The following WDHD1 variants were observed in gnomAD, a reference collection of about 807,000 sequenced individuals.
WDHD1 encodes WD repeat and HMG-box DNA binding protein 1.
In WDHD1, 111 loss-of-function variants were observed where a neutral mutation model predicts 135.4. That is an observed-to-expected ratio of 0.82 (90% confidence interval 0.70 to 0.96). WDHD1 has a LOEUF of 0.96. Among genes scored for constraint, WDHD1 ranks in the 40% least tolerant of loss-of-function variants. WDHD1 has a pLI of 0.00. For synonymous variants in WDHD1, 434 were observed against 439.0 expected (o/e 0.99, Z 0.14); for missense variants, 1,351 against 1,336.3 (o/e 1.01, Z -0.17).
intron 16 of WDHD1, among the ~76,000 whole-genome samples, chr14:54,980,538 A>T (rs28706216): frequency 0.035 from 5,370 of 152,068 alleles, 349 homozygotes; most frequent in African/African-American, 0.12. Flanking sequence ...AGGACCAGGT[A>T]CGGTGGCTCA....
In WDHD1 at chr14:54,987,206, C is replaced by T; in HGVS notation, c.1708G>A (p.Ala570Thr). Residue 570 changes from alanine to threonine, a missense_variant, in exon 14 of 26, where the codon GCT becomes ACT. Transcript: ENST00000360586. ...CCTGCCATTGACACCACAGGTCCAG[C>T]AAGGCTGAATACCTCTTTTTGAACC... ...GGVQKEVFSL[A>T]GPVVSMAGHG... The T allele has an allele frequency of 1.2e-6, 2 of 1,614,150 alleles. No homozygotes were observed. Among genetic ancestry groups the T allele is most frequent in the Non-Finnish European group, 1.7e-6 (2 of 1,180,018 alleles).
chr14:54,963,244 C>T (rs535373417), intron 18 of WDHD1, 72 bp from the exon 19 acceptor site: 1 of 1,176,266 alleles, frequency 8.5e-7, no homozygotes, highest in East Asian at 2.4e-5. Context: ...ACTGACACTA[C>T]TAGTAAAACT....
intron 15 of WDHD1, among the ~76,000 whole-genome samples, chr14:54,984,492 CT>C (rs1433046296): frequency 6.6e-6 from 1 of 152,102 alleles, no homozygotes; most frequent in Non-Finnish European, 1.5e-5. Context: ...CAGACCCTGT[CT>C]TAAAAGAACA....
At chr14:54,957,563 A>G (rs2041180978) in intron 22 of WDHD1, 29 bp downstream of exon 22, 1 of 1,555,926 alleles carries the variant, frequency 6.4e-7, no homozygotes, top group Non-Finnish European at 8.7e-7. Flanking sequence ...GTATTTAAAT[A>G]ATATAAAACA....
chr14:54,977,561 C>A lies in WDHD1; in HGVS notation c.2063+3979G>T, dbSNP rs552253816. Among the ~76,000 whole-genome samples the A allele has an allele frequency of 3.1e-3, 472 of 152,172 alleles. 2 individuals are homozygous for A. Among genetic ancestry groups the A allele is most frequent in the Middle Eastern group, 0.02 (6 of 294 alleles). On this transcript the variant is annotated intron_variant, in intron 16 of 25. Coordinates refer to ENST00000360586, the MANE Select transcript of WDHD1 (RefSeq NM_007086.4). ...AAGAAATATTCTTTATTAGCTGATA[C>A]TAAATGTAGAGCTACTAGAGCTACT...
intron 23 of WDHD1, among the ~76,000 whole-genome samples, chr14:54,956,202 G>A (rs895219377): frequency 1.3e-5 from 2 of 152,102 alleles, no homozygotes; most frequent in African/African-American, 4.8e-5. Context: ...AAAAATTAGG[G>A]CCATGTACAA....
At chr14:55,011,558 G>T (rs2042170956) in intron 3 of WDHD1, among the ~76,000 whole-genome samples, 1 of 140,128 alleles carries the variant, frequency 7.1e-6, no homozygotes, top group Admixed American at 7.2e-5. Context: ...AAAGTATCCT[G>T]AGCAGAGGGT....
chr14:54,987,010 A>G, intron 14 of WDHD1, 136 bp downstream of exon 14: 1 of 1,062,290 alleles, frequency 9.4e-7, no homozygotes, highest in African/African-American at 1.6e-5. Flanking sequence ...GAACACAACA[A>G]AATTATCTAC....
chr14:54,948,862 T>C (rs554237575), intron 24 of WDHD1, among the ~76,000 whole-genome samples: 2 of 152,342 alleles, frequency 1.3e-5, no homozygotes, highest in South Asian at 4.1e-4. Flanking sequence ...TTTGCTGTTC[T>C]GCAGCCTCCG....
chr14:54,994,150 A>C (rs555928280), intron 11 of WDHD1, among the ~76,000 whole-genome samples: 7 of 152,268 alleles, frequency 4.6e-5, no homozygotes, highest in Non-Finnish European at 1.0e-4. Context: ...TGTAGCATGT[A>C]AGTTGTTACA....
Position 55,005,559 on chromosome 14 carries a change from C to A in WDHD1, c.600+1721G>T, listed in dbSNP as rs1017129719. 6.7e-6 allele frequency: 4 copies of A among 599,380 alleles called. No homozygotes were observed. In the African/African-American group the frequency reaches 7.3e-5, roughly 11 times the overall value. The allele number at this position is 599,380 out of a possible 1,614,324, so 37.1% of individuals were successfully genotyped here. A position where few individuals can be genotyped will look rare whatever the true frequency, so the allele number is the denominator to read the frequency against. ...TTCAGATTTATGATGTAGATGCCAA[C>A]ACTTTTCCTTTTATAGATGTACTGT... On this transcript the variant is annotated intron_variant, in intron 7 of 25. Coordinates refer to ENST00000360586, the MANE Select transcript of WDHD1 (RefSeq NM_007086.4).
At chr14:54,946,438 GT>G (rs1291955010) in intron 24 of WDHD1, among the ~76,000 whole-genome samples, 1 of 152,134 alleles carries the variant, frequency 6.6e-6, no homozygotes, top group Non-Finnish European at 1.5e-5. Flanking sequence ...TCAAAAGTAA[GT>G]TTTTTGTATA....
chr14:54,948,894 C>A (rs1044592497), intron 24 of WDHD1, among the ~76,000 whole-genome samples: 1 of 152,194 alleles, frequency 6.6e-6, no homozygotes, highest in Non-Finnish European at 1.5e-5. Context: ...CAGGCAGAGT[C>A]TGGAGTGGGC....
chr14:54,990,258 C>T (rs762709903), intron 12 of WDHD1, among the ~76,000 whole-genome samples: 1 of 152,034 alleles, frequency 6.6e-6, no homozygotes, highest in Non-Finnish European at 1.5e-5. Flanking sequence ...AGGCAAAATC[C>T]TCAGAATGGA....
At position 54,963,184 on chromosome 14, in the gene WDHD1, AGG is replaced by A. The variant is rs34874701; in HGVS notation, c.2311-14_2311-13del. 0.21 allele frequency: 36,501 copies of A among 173,112 alleles called. 1,301 individuals carry two copies. The highest frequency in any genetic ancestry group is 0.35 in the African/African-American group (5,613 of 16,186). 10.7% of individuals were successfully genotyped at this position (173,112 alleles called of 1,614,324 possible). ...AGTTTACAAGAAAGCTAATCCAAAA[AGG>A]GGGGGGGGGGGGAGATCAAATAACA... On this transcript the variant is annotated splice_polypyrimidine_tract_variant and intron_variant, in intron 18 of 25. Transcript: ENST00000360586.
intron 15 of WDHD1, among the ~76,000 whole-genome samples, chr14:54,982,153 C>T (rs1666971668): frequency 2.0e-5 from 3 of 151,854 alleles, no homozygotes; most frequent in Admixed American, 1.3e-4. Context: ...ACTACAGGCA[C>T]CCGCCACCAC....
intron 25 of WDHD1, 115 bp downstream of exon 25, chr14:54,944,217 C>A: frequency 7.3e-7 from 1 of 1,364,398 alleles, no homozygotes; most frequent in Non-Finnish European, 1.0e-6. Context: ...CTCGACCTCC[C>A]AATGTGCTAG....
chr14:54,979,030 T>A (rs2041574310), intron 16 of WDHD1, among the ~76,000 whole-genome samples: 1 of 152,170 alleles, frequency 6.6e-6, no homozygotes, highest in South Asian at 2.1e-4. Flanking sequence ...ATCAATCTTA[T>A]CTTCTTTACT....
At chr14:54,950,883 G>C (rs2041038745) in intron 24 of WDHD1, among the ~76,000 whole-genome samples, 1 of 152,120 alleles carries the variant, frequency 6.6e-6, no homozygotes. Context: ...TGAACAACCT[G>C]CTCCTGAATG....
Sources: gnomAD v4.1 joint callset for allele counts (sites outside exome capture counted in the v4.1 genomes callset) on GRCh38, gnomAD v4.1.1 for gene constraint, MANE v1.5 for transcripts, NCBI Gene and HGNC (gene_info 2026-07-23, HGNC 2026-07-21) for gene names.